DAZL: variants seen among roughly 807,000 people sequenced by gnomAD.
DAZL encodes the protein deleted in azoospermia-like.
Under a neutral mutation model 45.0 loss-of-function variants are expected in DAZL, and 4 were observed. The observed-to-expected ratio is 0.09, with a 90% confidence interval of 0.04 to 0.20. DAZL has a LOEUF of 0.20. Among genes scored for constraint, DAZL ranks in the 10% least tolerant of loss-of-function variants. The pLI, the probability that DAZL is intolerant of heterozygous loss-of-function variation, is 1.00. For missense variants in DAZL, 326 were observed against 351.3 expected (o/e 0.93, Z 0.58); for synonymous variants, 122 against 112.4 (o/e 1.09, Z -0.54).
chr3:16,602,735 T>C (rs926500679), intron 1 of DAZL, among the ~76,000 whole-genome samples: 15 of 152,348 alleles, frequency 9.8e-5, no homozygotes, highest in African/African-American at 3.6e-4. Context: ...CAGCATTCAT[T>C]TTTAAATTAT....
intron 1 of DAZL, chr3:16,604,587 G>C: frequency 5.0e-6 from 7 of 1,410,370 alleles, no homozygotes. Flanking sequence ...CATGCCTTCA[G>C]GACGCCCCAC....
intron 1 of DAZL, 74 bp from the exon 2 acceptor site, chr3:16,598,672 G>T: frequency 2.8e-6 from 4 of 1,407,848 alleles, no homozygotes; most frequent in Non-Finnish European, 2.8e-6. Flanking sequence ...TATAATTTTT[G>T]TATTTTAAGT....
At chr3:16,604,301 C>T in intron 1 of DAZL, 2 of 738,140 alleles carry the variant, frequency 2.7e-6, no homozygotes, top group Non-Finnish European at 4.3e-6. Context: ...TAGGCATTTA[C>T]CAAACTCACA....
chr3:16,596,985 C>T lies in DAZL; in HGVS notation c.358+3G>A, dbSNP rs1694610065. ...AAAAAGAACAATTTCTTTTTGTACT[C>T]ACATAAATTTTGTTTCCTGATTGCA... is the stretch of plus-strand genomic sequence containing the variant. On this transcript the variant is annotated splice_donor_region_variant and intron_variant, in intron 5 of 10. Transcript: ENST00000399444. 1.2e-6 allele frequency: 2 copies of T among 1,612,800 alleles called. No individual in the cohort carries two copies. The highest frequency in any genetic ancestry group is 1.3e-5 in the African/African-American group (1 of 75,010).
At chr3:16,600,998 C>T (rs1368732395) in intron 1 of DAZL, among the ~76,000 whole-genome samples, 1 of 152,128 alleles carries the variant, frequency 6.6e-6, no homozygotes, top group Non-Finnish European at 1.5e-5. Flanking sequence ...TCCTACAATG[C>T]AAAGAAAGCT....
At chr3:16,604,766 T>C (rs1694749260) in intron 1 of DAZL, 6 of 1,324,280 alleles carry the variant, frequency 4.5e-6, no homozygotes, top group South Asian at 3.9e-5. Flanking sequence ...GAAATGAGGC[T>C]GGCGGGGCGG....
intron 1 of DAZL, among the ~76,000 whole-genome samples, chr3:16,602,873 C>G (rs1168467652): frequency 6.6e-6 from 1 of 152,070 alleles, no homozygotes; most frequent in Non-Finnish European, 1.5e-5. Context: ...GTAAGGGCAC[C>G]TCCTTATTAC....
intron 1 of DAZL, among the ~76,000 whole-genome samples, chr3:16,600,145 AG>A (rs1694661003): frequency 6.6e-6 from 1 of 152,320 alleles, no homozygotes; most frequent in Non-Finnish European, 1.5e-5. Context: ...TGACTACAAA[AG>A]GTAACTACAA....
chr3:16,596,707 G>A, intron 6 of DAZL, 43 bp downstream of exon 6: 1 of 1,603,936 alleles, frequency 6.2e-7, no homozygotes, highest in Non-Finnish European at 8.5e-7. Context: ...AAGGTACGAT[G>A]ACTACAATAA....
At position 16,588,176 on chromosome 3, in the gene DAZL, T is replaced by C. The variant is rs1241022109; in HGVS notation, c.*484A>G. Reference sequence around the variant, plus strand: ...CTAACTATATATTGAGTTCCACTGATTAAAAATGCAGTTTTAAAAATTTTG... The same window carrying C: ...CTAACTATATATTGAGTTCCACTGACTAAAAATGCAGTTTTAAAAATTTTG... On this transcript the variant is annotated 3_prime_UTR_variant, in exon 11 of 11. Transcript: ENST00000399444. 2 of 177,516 alleles carry C rather than the reference T, an allele frequency of 1.1e-5. No homozygotes were observed. Among genetic ancestry groups the C allele is most frequent in the Non-Finnish European group, 2.3e-5 (2 of 86,736 alleles). The allele number at this position is 177,516 out of a possible 1,614,324, so 11.0% of individuals were successfully genotyped here.
chr3:16,593,409 G>C (rs1694551280), intron 9 of DAZL, among the ~76,000 whole-genome samples: 1 of 152,146 alleles, frequency 6.6e-6, no homozygotes, highest in Admixed American at 6.6e-5. Flanking sequence ...CTGAGCTCAA[G>C]CAATCCACCC....
At chr3:16,598,965 T>C (rs1694642684) in intron 1 of DAZL, among the ~76,000 whole-genome samples, 1 of 152,040 alleles carries the variant, frequency 6.6e-6, no homozygotes, top group South Asian at 2.1e-4. Flanking sequence ...GTATTTTTAG[T>C]AGAGATGGGG....
intron 4 of DAZL, among the ~76,000 whole-genome samples, 174 bp from the exon 5 acceptor site, chr3:16,597,225 G>A (rs1694614059): frequency 6.6e-6 from 1 of 152,058 alleles, no homozygotes. Context: ...TCTCTAATCA[G>A]TGTCAAGAGG....
intron 1 of DAZL, among the ~76,000 whole-genome samples, chr3:16,599,485 G>C (rs1408720390): frequency 1.3e-5 from 2 of 152,128 alleles, no homozygotes; most frequent in African/African-American, 4.8e-5. Flanking sequence ...TTGCTCACAT[G>C]TCACAGCTCC....
At chr3:16,602,214 A>G (rs3773831) in intron 1 of DAZL, among the ~76,000 whole-genome samples, 4,697 of 152,294 alleles carry the variant, frequency 0.031, 107 homozygotes, top group Middle Eastern at 0.082. Flanking sequence ...GAGACCTGAG[A>G]AATGGGTTAT....
rs1206978390 is a variant in DAZL, at chr3:16,586,834, CAG to C, written c.*1824_*1825del. 2 of 152,116 alleles carry C rather than the reference CAG, an allele frequency of 1.3e-5. No individual in the cohort carries two copies. The highest frequency in any genetic ancestry group is 4.8e-5 in the African/African-American group (2 of 41,420). The allele number at this position is 152,116 out of a possible 1,614,324, so 9.4% of individuals were successfully genotyped here. On this transcript the variant is annotated 3_prime_UTR_variant, in exon 11 of 11. Transcript: ENST00000399444. Reference sequence around the variant, plus strand: ...TTATTTTTATTCATGTATGCAAAGACAGTATCAGCAATAGGCAGAAGCATATT... The same window carrying C: ...TTATTTTTATTCATGTATGCAAAGACTATCAGCAATAGGCAGAAGCATATT...
Position 16,605,134 on chromosome 3 carries a change from C to T in DAZL, c.3+69G>A, listed in dbSNP as rs374688292. 2.2e-5 allele frequency: 35 copies of T among 1,601,502 alleles called. No homozygotes were observed. In the East Asian group the frequency reaches 5.8e-4, roughly 27 times the overall value. ...AGGATGACTTCACTTTCCGACCCTG[C>T]AGAGCCGAGTTTCACCCACGAGTGA... On this transcript the variant is annotated intron_variant, in intron 1 of 10. Coordinates refer to ENST00000399444, the MANE Select transcript of DAZL (RefSeq NM_001351.4).
In DAZL at chr3:16,592,028, T is replaced by C. The variant is rs75175045; in HGVS notation, c.834+22A>G. 6.6e-4 allele frequency: 1,060 copies of C among 1,604,868 alleles called. 3 individuals are homozygous for C. The African/African-American group carries it at 9.8e-3, about 15-fold the overall frequency. The stretch of plus-strand genomic sequence containing the variant: ...AGCTAACAAGTGTGCTTTTTAATTG[T>C]GCGTAACTGTTATATTCATACCTTG... On this transcript the variant is annotated intron_variant, in intron 10 of 10. Coordinates refer to ENST00000399444, the MANE Select transcript of DAZL (RefSeq NM_001351.4).
chr3:16,598,232 A>G lies in DAZL; in HGVS notation c.151-54T>C, dbSNP rs187383966. 4.2e-4 allele frequency: 637 copies of G among 1,501,424 alleles called. 2 individuals carry two copies. The African/African-American group carries it at 7.6e-3, about 18-fold the overall frequency. 93.0% of individuals were successfully genotyped at this position (1,501,424 alleles called of 1,614,324 possible). On this transcript the variant is annotated intron_variant, in intron 2 of 10. Coordinates refer to ENST00000399444, the MANE Select transcript of DAZL (RefSeq NM_001351.4). The stretch of plus-strand genomic sequence containing the variant: ...AAAAATTCAGCATTCAAAAATTTTA[A>G]TTTTACTAAAAGAAGGTTCGATGAT...
Sources: allele counts gnomAD v4.1 joint callset (sites outside exome capture counted in the v4.1 genomes callset), GRCh38; gene constraint gnomAD v4.1.1; transcripts MANE v1.5; gene names NCBI Gene and HGNC (gene_info 2026-07-23, HGNC 2026-07-21).